The following WDR59 variants were observed in gnomAD, a reference collection of about 807,000 sequenced individuals.
WDR59 encodes WD repeat domain 59.
In WDR59, 100 loss-of-function variants were observed where a neutral mutation model predicts 131.2. That is an observed-to-expected ratio of 0.76 (90% confidence interval 0.65 to 0.90). The LOEUF is 0.90. Among genes scored for constraint, WDR59 ranks in the 40% least tolerant of loss-of-function variants. The probability of loss-of-function intolerance (pLI) is 0.00; values close to 1 mark genes in which losing one functional copy is unlikely to be tolerated. For synonymous variants in WDR59, 601 were observed against 466.2 expected (o/e 1.29, Z -3.72); for missense variants, 1,203 against 1,262.2 (o/e 0.95, Z 0.71).
rs767430810 is a variant in WDR59 at position 74,874,342 on chromosome 16, A to G, written c.2792T>C (p.Val931Ala). 4 of 1,614,160 alleles carry G rather than the reference A, an allele frequency of 2.5e-6. No homozygotes were observed. In the South Asian group the frequency reaches 3.3e-5, roughly 13 times the overall value. Residue 931 changes from valine to alanine, a missense_variant, in exon 26 of 26, where the codon GTG (valine) becomes GCG (alanine). By Grantham distance (64) the Val-to-Ala change is moderately conservative. Transcript: ENST00000262144. ...CAGGCAGAAATTGGACGATCCCCGC[A>G]CAGCCACGTGACAGATGGCACACTG... ...TFQCAICHVA[V>A]RGSSNFCLTC... is the part of the protein sequence containing the mutation.
Position 74,914,963 on chromosome 16 carries a change from C to G in WDR59, c.1224+907G>C, listed in dbSNP as rs377616317. On this transcript the variant is annotated intron_variant, in intron 13 of 25. Transcript: ENST00000262144. ...ATATTTGGGTAAAGGAAAAACTAAT[C>G]AAGCTTTAAAACTCCTTTCTGGAGA... Among the ~76,000 whole-genome samples, 25 of 152,306 alleles carry G rather than the reference C, an allele frequency of 1.6e-4. 2 individuals carry two copies. The highest frequency in any genetic ancestry group is 1.0e-3 in the South Asian group (5 of 4,818).
intron 1 of WDR59, among the ~76,000 whole-genome samples, chr16:74,971,608 T>C (rs1013635246): frequency 6.6e-6 from 1 of 151,930 alleles, no homozygotes; most frequent in Non-Finnish European, 1.5e-5. Flanking sequence ...GTTTTTTGTA[T>C]TTTTAATAGA....
chr16:74,953,881 A>G (rs2033143078), intron 3 of WDR59, among the ~76,000 whole-genome samples: 1 of 152,056 alleles, frequency 6.6e-6, no homozygotes, highest in South Asian at 2.1e-4. Context: ...GGACGCCTGT[A>G]GTCCCAGCTA....
At chr16:74,946,992 G>A (rs2032686383) in intron 6 of WDR59, among the ~76,000 whole-genome samples, 1 of 152,206 alleles carries the variant, frequency 6.6e-6, no homozygotes, top group African/African-American at 2.4e-5. Context: ...CTTTATCTCT[G>A]TAAATAAGTT....
intron 25 of WDR59, among the ~76,000 whole-genome samples, chr16:74,874,661 T>C (rs1273481277): frequency 1.3e-5 from 2 of 152,182 alleles, no homozygotes; most frequent in African/African-American, 2.4e-5. Context: ...AATGGTGCAA[T>C]CTTGGCTCAC....
At position 74,984,961 on chromosome 16, in the gene WDR59, C is replaced by A; in HGVS notation, c.54+3G>T. Reference sequence around the variant, plus strand: ...AGAGGGCTCCACTCGGCCTCTAGCTCACCTGGGAGTCACGGAACTCTACAA... The same window carrying A: ...AGAGGGCTCCACTCGGCCTCTAGCTAACCTGGGAGTCACGGAACTCTACAA... On this transcript the variant is annotated splice_donor_region_variant and intron_variant, in intron 1 of 25. Transcript: ENST00000262144. 1 of 1,604,000 alleles carries A rather than the reference C, an allele frequency of 6.2e-7. No individual in the cohort carries two copies. The highest frequency in any genetic ancestry group is 2.2e-5 in the East Asian group (1 of 44,488).
chr16:74,979,469 ACAAAAC>A (rs1435304841), intron 1 of WDR59, among the ~76,000 whole-genome samples: 1 of 890 alleles, frequency 1.1e-3, no homozygotes, highest in African/African-American at 1.7e-3. Flanking sequence ...CTGTCTCAAA[ACAAAAC>A]AAAACAAAAC....
chr16:74,963,575 A>G (rs10451155), intron 2 of WDR59, among the ~76,000 whole-genome samples: 2,124 of 149,128 alleles, frequency 0.014, 66 homozygotes, highest in African/African-American at 0.05. Flanking sequence ...AACAATGTAC[A>G]CTGGGACTTG....
intron 1 of WDR59, among the ~76,000 whole-genome samples, chr16:74,966,264 G>C (rs1464808584): frequency 2.0e-5 from 3 of 152,146 alleles, no homozygotes; most frequent in Non-Finnish European, 4.4e-5. Flanking sequence ...CAGATCACCT[G>C]AGGTCAGGAG....
chr16:74,886,194 A>C, intron 24 of WDR59, 76 bp downstream of exon 24: 36 of 1,503,162 alleles, frequency 2.4e-5, no homozygotes, highest in Non-Finnish European at 2.8e-5. Context: ...AAAAAAAGTA[A>C]GAGTTGTGAT....
At chr16:74,906,956 A>G (rs992766072) in intron 17 of WDR59, among the ~76,000 whole-genome samples, 1 of 152,234 alleles carries the variant, frequency 6.6e-6, no homozygotes, top group Non-Finnish European at 1.5e-5. Context: ...CTATCTCAGT[A>G]AAGGACTGTC....
intron 20 of WDR59, among the ~76,000 whole-genome samples, chr16:74,891,288 CAA>C (rs1482480340): frequency 6.6e-6 from 1 of 151,980 alleles, no homozygotes; most frequent in East Asian, 1.9e-4. Context: ...AATAAGCAAA[CAA>C]AGATACTGAG....
At chr16:74,935,986 G>A (rs2031769936) in intron 8 of WDR59, among the ~76,000 whole-genome samples, 4 of 148,194 alleles carry the variant, frequency 2.7e-5, no homozygotes. Flanking sequence ...GACAGAGCAA[G>A]ACTCCACCTC....
rs1964019742 is a variant in WDR59 at position 74,872,032 on chromosome 16, T to A, written c.*2177A>T. 1 of 152,244 alleles carries A rather than the reference T, an allele frequency of 6.6e-6. No individual in the cohort carries two copies. Among genetic ancestry groups the A allele is most frequent in the African/African-American group, 2.4e-5 (1 of 41,468 alleles). The allele number at this position is 152,244 out of a possible 1,614,324, so 9.4% of individuals were successfully genotyped here. A position where few individuals can be genotyped will look rare whatever the true frequency, so the allele number is the denominator to read the frequency against. On this transcript the variant is annotated 3_prime_UTR_variant, in exon 26 of 26. Coordinates refer to ENST00000262144, the MANE Select transcript of WDR59 (RefSeq NM_030581.4). The stretch of plus-strand genomic sequence containing the variant: ...AAAATGTTTTGACTACAACTTTCAG[T>A]AAGAAATGAATTTACGCTATGATCC...
At position 74,874,452 on chromosome 16, in the gene WDR59, T is replaced by G. The variant is rs756781941; in HGVS notation, c.2690-8A>C. The G allele has an allele frequency of 3.1e-6, 5 of 1,613,032 alleles. No homozygotes were observed. The South Asian group carries it at 5.5e-5, about 18-fold the overall frequency. Reference sequence around the variant, plus strand: ...TGCAGTACACGCCGAACTCTGGAAATGGGCAGGGACGGGCAAAACAAGAGG... The same window carrying G: ...TGCAGTACACGCCGAACTCTGGAAAGGGGCAGGGACGGGCAAAACAAGAGG... On this transcript the variant is annotated splice_region_variant and splice_polypyrimidine_tract_variant and intron_variant, in intron 25 of 25. Transcript: ENST00000262144.
At chr16:74,913,988 A>G (rs1366765216) in intron 13 of WDR59, among the ~76,000 whole-genome samples, 1 of 152,178 alleles carries the variant, frequency 6.6e-6, no homozygotes, top group Non-Finnish European at 1.5e-5. Flanking sequence ...GGGCAGATCA[A>G]CTGACATCAG....
rs746380985 is a variant in WDR59, at chr16:74,915,854, T to G, written c.1224+16A>C. The G allele has an allele frequency of 1.2e-5, 20 of 1,614,080 alleles. No homozygotes were observed. Among genetic ancestry groups the G allele is most frequent in the Non-Finnish European group, 1.5e-5 (18 of 1,180,032 alleles). On this transcript the variant is annotated intron_variant, in intron 13 of 25. Coordinates refer to ENST00000262144, the MANE Select transcript of WDR59 (RefSeq NM_030581.4). ...GCCATCAGCAAACATGAGATACAGT[T>G]GATTAAACTAAGTACCTCCACATTG...
chr16:74,886,389 T>A lies in WDR59; in HGVS notation c.2427A>T (p.Arg809Ser). ...AAGGGGAGGACAAGTGCTCTGCCTC[T>A]CTTCCCGCTGAAGAAAATCAAATGG... ...LNTGGWNIAG[R>S]EAEHLSSPWG... Residue 809 changes from arginine to serine, a missense_variant, in exon 24 of 26, where the codon AGA (arginine) becomes AGT (serine). Physicochemically the swap from Arg to Ser is moderately radical, Grantham distance 110. Transcript: ENST00000262144. 1 of 1,612,364 alleles carries A rather than the reference T, an allele frequency of 6.2e-7. No homozygotes were observed. The highest frequency in any genetic ancestry group is 8.5e-7 in the Non-Finnish European group (1 of 1,179,624).
Position 74,951,540 on chromosome 16 carries a change from T to C in WDR59, c.244A>G (p.Asn82Asp). Residue 82 changes from asparagine to aspartate, a missense_variant, in exon 4 of 26, where the codon AAC becomes GAC. Coordinates refer to ENST00000262144, the MANE Select transcript of WDR59 (RefSeq NM_030581.4). ...SFAHYFAASS[N>D]QRVDLYKWKD... The stretch of plus-strand genomic sequence containing the variant: ...CACTTGTAAAGGTCTACTCGTTGGT[T>C]ACTCTGAAAAGAAAGGAAAGAAGGC... 8 of 1,590,790 alleles carry C rather than the reference T, an allele frequency of 5.0e-6. No individual in the cohort carries two copies. The highest frequency in any genetic ancestry group is 6.8e-6 in the Non-Finnish European group (8 of 1,168,624).
Sources: gnomAD v4.1 joint callset for allele counts (sites outside exome capture counted in the v4.1 genomes callset) on GRCh38, gnomAD v4.1.1 for gene constraint, MANE v1.5 for transcripts, NCBI Gene and HGNC (gene_info 2026-07-23, HGNC 2026-07-21) for gene names.